Variants in ZSCAN22 observed in about 807,000 individuals in gnomAD.
The protein encoded by ZSCAN22 is zinc finger and SCAN domain containing 22.
A neutral mutation model predicts 12.4 loss-of-function variants in ZSCAN22; 7 were observed. The observed-to-expected ratio is 0.57, with a 90% CI of 0.32 to 1.06. ZSCAN22 has a LOEUF of 1.06. ZSCAN22 is among the 50% of genes least tolerant of loss of function. The pLI is 0.04. For synonymous variants in ZSCAN22, 243 were observed against 255.9 expected, an observed-to-expected ratio of 0.95 and a Z score of 0.48; for missense variants, 576 against 631.7, an observed-to-expected ratio of 0.91 and a Z score of 0.94.
In ZSCAN22 at chr19:58,334,798, G is replaced by A. The variant is rs776116807; in HGVS notation, c.-5G>A. ...ATCCTGTGTCTCACTGAGCACTGCT[G>A]CCCGATGGCCATCCCCAAGCACTCC... On this transcript the variant is annotated 5_prime_UTR_variant, in exon 2 of 3. Coordinates refer to ENST00000329665, the MANE Select transcript of ZSCAN22 (RefSeq NM_181846.3). 1 of 1,592,430 alleles carries A rather than the reference G, an allele frequency of 6.3e-7. No homozygotes were observed. Among genetic ancestry groups the A allele is most frequent in the Non-Finnish European group, 8.6e-7 (1 of 1,166,604 alleles).
chr19:58,339,328 C>A lies in ZSCAN22; in HGVS notation c.*2C>A. ...ATCCACATCACGGTGCTGCAATGAC[C>A]GGAAGTCGCCCCTGGGGGCGTAGCA... On this transcript the variant is annotated 3_prime_UTR_variant, in exon 3 of 3. Transcript: ENST00000329665. This position sits in a 1 kb window ranked among gnomAD's most constrained non-coding sequence, Gnocchi z 5.6. The A allele has an allele frequency of 1.3e-6, 2 of 1,587,740 alleles. No homozygotes were observed. Among genetic ancestry groups the A allele is most frequent in the Non-Finnish European group, 1.7e-6 (2 of 1,164,180 alleles).
chr19:58,332,784 G>A (rs1376870362), intron 1 of ZSCAN22, among the ~76,000 whole-genome samples: 4 of 152,156 alleles, frequency 2.6e-5, no homozygotes, highest in African/African-American at 9.7e-5. Flanking sequence ...AAAGTTTTGT[G>A]AGGACATATA....
At chr19:58,332,539 T>A (rs1483345245) in intron 1 of ZSCAN22, among the ~76,000 whole-genome samples, 1 of 152,176 alleles carries the variant, frequency 6.6e-6, no homozygotes, top group Non-Finnish European at 1.5e-5. Flanking sequence ...CCTCCCAAAG[T>A]GCTGGGATCA....
intron 1 of ZSCAN22, among the ~76,000 whole-genome samples, chr19:58,333,218 C>T (rs1398573404): frequency 1.3e-5 from 2 of 152,238 alleles, no homozygotes; most frequent in Non-Finnish European, 2.9e-5. Context: ...TTCTCCCACT[C>T]TGTGGGCTGC....
At position 58,339,288 on chromosome 19, in the gene ZSCAN22, A is replaced by G. The variant is rs775381313; in HGVS notation, c.1438A>G (p.Met480Val). Residue 480 changes from methionine (M) to valine (V), a missense_variant, in exon 3 of 3, where the codon ATG (methionine) becomes GTG (valine). Physicochemically the swap from Met to Val is conservative, Grantham distance 21. Coordinates refer to ENST00000329665, the MANE Select transcript of ZSCAN22 (RefSeq NM_181846.3). The surrounding 1 kb of genome is among the most constrained non-coding windows in gnomAD (Gnocchi z 5.6). ...GKAFSRSSAL[M>V]VHLRIHITVL... ...GGCCTTCAGTCGTAGCTCAGCCCTG[A>G]TGGTTCACTTGCGGATCCACATCAC... is the stretch of plus-strand genomic sequence containing the variant. 5.6e-6 allele frequency: 9 copies of G among 1,612,730 alleles called. No homozygotes were observed. In the African/African-American group the frequency reaches 9.3e-5, roughly 17 times the overall value.
In ZSCAN22 at chr19:58,338,188, C is replaced by T; in HGVS notation, c.404-66C>T. 1 of 1,422,282 alleles carries T rather than the reference C, an allele frequency of 7.0e-7. No individual in the cohort carries two copies. The highest frequency in any genetic ancestry group is 9.6e-7 in the Non-Finnish European group (1 of 1,044,650). 88.1% of individuals were successfully genotyped at this position (1,422,282 alleles called of 1,614,324 possible). A position where few individuals can be genotyped will look rare whatever the true frequency, so the allele number is the denominator to read the frequency against. On this transcript the variant is annotated intron_variant, in intron 2 of 2. Transcript: ENST00000329665. This position sits in a 1 kb window ranked among gnomAD's most constrained non-coding sequence, Gnocchi z 5.4. ...CTCCCCTTACAAAGTGTGACCGGGG[C>T]CCTCGGCAGAGTAGGGGAGGCTTGG...
In ZSCAN22 at chr19:58,340,053, A is replaced by C. The variant is rs906808684; in HGVS notation, c.*727A>C. 6.6e-6 allele frequency: 1 copy of C among 152,200 alleles called. No individual in the cohort carries two copies. The highest frequency in any genetic ancestry group is 2.4e-5 in the African/African-American group (1 of 41,364). The allele number at this position is 152,200 out of a possible 1,614,324, so 9.4% of individuals were successfully genotyped here. ...CCACTGCTACCTTATGTGAGCCCTC[A>C]TTGCCTCTTGCCTGGATTATAGCCG... is the stretch of plus-strand genomic sequence containing the variant. On this transcript the variant is annotated 3_prime_UTR_variant, in exon 3 of 3. Coordinates refer to ENST00000329665, the MANE Select transcript of ZSCAN22 (RefSeq NM_181846.3).
intron 1 of ZSCAN22, among the ~76,000 whole-genome samples, chr19:58,333,859 T>A (rs950681269): frequency 1.3e-5 from 2 of 152,126 alleles, no homozygotes; most frequent in African/African-American, 2.4e-5. Context: ...ATAAAATAAA[T>A]TTTAAAAAAT....
chr19:58,336,720 T>C (rs1478811673), intron 2 of ZSCAN22, among the ~76,000 whole-genome samples: 2 of 152,164 alleles, frequency 1.3e-5, no homozygotes, highest in Middle Eastern at 3.2e-3. Context: ...AGTACCTCCT[T>C]CTGAGAGCAG....
intron 2 of ZSCAN22, among the ~76,000 whole-genome samples, chr19:58,336,462 C>A (rs1253537418): frequency 2.0e-5 from 3 of 151,918 alleles, no homozygotes; most frequent in Non-Finnish European, 4.4e-5. Context: ...AAAGGCCTGG[C>A]AGTGTGATTT....
chr19:58,328,468 T>A (rs1004302287), intron 1 of ZSCAN22, among the ~76,000 whole-genome samples: 4 of 152,128 alleles, frequency 2.6e-5, no homozygotes, highest in African/African-American at 9.7e-5. Flanking sequence ...TACTGCATGT[T>A]TACTGTGCAC....
intron 1 of ZSCAN22, among the ~76,000 whole-genome samples, chr19:58,328,796 T>C (rs2051687086): frequency 1.3e-5 from 2 of 152,156 alleles, no homozygotes; most frequent in Non-Finnish European, 2.9e-5. Context: ...CCACCCTTGC[T>C]CCTCCTTCCC....
chr19:58,332,477 G>A (rs780453540), intron 1 of ZSCAN22, among the ~76,000 whole-genome samples: 3 of 150,166 alleles, frequency 2.0e-5, no homozygotes, highest in Admixed American at 6.7e-5. Flanking sequence ...GTTTCACTGT[G>A]TTGGCCAGGC....
At chr19:58,330,560 T>C (rs985983339) in intron 1 of ZSCAN22, among the ~76,000 whole-genome samples, 3 of 152,186 alleles carry the variant, frequency 2.0e-5, no homozygotes, top group Admixed American at 6.5e-5. Flanking sequence ...AGGCTTTGAG[T>C]GTGGAGGAAA....
rs1401980251 is a variant in ZSCAN22 at position 58,338,808 on chromosome 19, G to A, written c.958G>A (p.Gly320Arg). The A allele has an allele frequency of 6.2e-7, 1 of 1,614,032 alleles. No homozygotes were observed. The highest frequency in any genetic ancestry group is 8.5e-7 in the Non-Finnish European group (1 of 1,179,898). The change falls in exon 3 of 3, where the codon GGG becomes AGG. Residue 320 changes from glycine to arginine, a missense_variant. Transcript: ENST00000329665. This position sits in a 1 kb window ranked among gnomAD's most constrained non-coding sequence, Gnocchi z 5.4. ...HLAQHQVVHTGAKPHECKECG... is the reference protein window; with the variant it reads ...HLAQHQVVHTRAKPHECKECG... ...CGCCCAGCACCAGGTTGTCCACACA[G>A]GGGCGAAGCCCCATGAGTGTAAGGA... is the stretch of plus-strand genomic sequence containing the variant.
Position 58,335,042 on chromosome 19 carries a change from C to G in ZSCAN22, c.240C>G (p.Pro80=). 6.2e-7 allele frequency: 1 copy of G among 1,614,056 alleles called. No homozygotes were observed. The highest frequency in any genetic ancestry group is 1.1e-5 in the South Asian group (1 of 91,088). Residue 80 remains proline (P), a synonymous_variant, in exon 2 of 3, where the codon CCC becomes CCG. Transcript: ENST00000329665. The surrounding 1 kb of genome is among the most constrained non-coding windows in gnomAD (Gnocchi z 4.1). ...LRALCCQWLQ[P]EAHSKEQILE... ...CGCTGTGCTGTCAGTGGCTGCAGCC[C>G]GAGGCGCACTCCAAGGAGCAGATAC...
chr19:58,333,512 C>T (rs2051750749), intron 1 of ZSCAN22, among the ~76,000 whole-genome samples: 1 of 152,136 alleles, frequency 6.6e-6, no homozygotes, highest in Non-Finnish European at 1.5e-5. Flanking sequence ...CTAGAAAACC[C>T]CCAGTTGTTT....
At chr19:58,334,250 G>A (rs983250993) in intron 1 of ZSCAN22, among the ~76,000 whole-genome samples, 1 of 152,186 alleles carries the variant, frequency 6.6e-6, no homozygotes. Flanking sequence ...TTCCTCCTGA[G>A]TGTCTGTTTT....
In ZSCAN22 at chr19:58,339,237, C is replaced by A; in HGVS notation, c.1387C>A (p.Pro463Thr). The change falls in exon 3 of 3, where the codon CCT becomes ACT. Residue 463 changes from proline to threonine, a missense_variant. Pro to Thr is a conservative substitution (Grantham distance 38). Transcript: ENST00000329665. This position sits in a 1 kb window ranked among gnomAD's most constrained non-coding sequence, Gnocchi z 5.6. ...EHQRIHTGEK[P>T]YKCSDCGKAF... ...CCAGAGGATCCACACGGGAGAGAAG[C>A]CTTATAAGTGCAGCGACTGTGGGAA... 3 of 1,614,190 alleles carry A rather than the reference C, an allele frequency of 1.9e-6. No homozygotes were observed. Among genetic ancestry groups the A allele is most frequent in the South Asian group, 1.1e-5 (1 of 91,072 alleles).
Sources: gnomAD v4.1 joint callset for allele counts (sites outside exome capture counted in the v4.1 genomes callset) on GRCh38, gnomAD v4.1.1 for gene constraint, Gnocchi (gnomAD v3.1) non-coding constraint, MANE v1.5 for transcripts, NCBI Gene and HGNC (gene_info 2026-07-23, HGNC 2026-07-21) for gene names.